RBFOX1: variants seen among roughly 807,000 people sequenced by gnomAD.
RBFOX1 encodes RNA binding fox-1 homolog 1.
Under a neutral mutation model 57.7 loss-of-function variants are expected in RBFOX1, and 8 were observed. The ratio of observed to expected loss-of-function variants is 0.14; its 90% confidence interval spans 0.08 to 0.25. The LOEUF is 0.25. RBFOX1 is among the 10% of genes least tolerant of loss of function. The probability of loss-of-function intolerance (pLI) is 1.00; values close to 1 mark genes in which losing one functional copy is unlikely to be tolerated. For synonymous variants in RBFOX1, 326 were observed against 222.4 expected (o/e 1.47, Z -4.15); for missense variants, 611 against 548.5 (o/e 1.11, Z -1.14).
At chr16:5,875,461 G>C (rs1007358191) in intron 4 of RBFOX1, among the ~76,000 whole-genome samples, 1 of 152,156 alleles carries the variant, frequency 6.6e-6, no homozygotes, top group African/African-American at 2.4e-5. Context: ...CATAGCATGG[G>C]GACAATTAAA....
intron 4 of RBFOX1, among the ~76,000 whole-genome samples, chr16:5,924,725 G>T (rs1057489132): frequency 6.6e-6 from 1 of 152,116 alleles, no homozygotes; most frequent in Non-Finnish European, 1.5e-5. Flanking sequence ...AACACAAGTG[G>T]TCTAAGACAC....
chr16:5,987,454 C>T (rs188485654), intron 4 of RBFOX1, among the ~76,000 whole-genome samples: 13 of 152,252 alleles, frequency 8.5e-5, no homozygotes, highest in African/African-American at 2.6e-4. Flanking sequence ...TTGCCTAGCC[C>T]TAGATCCATC....
At chr16:7,115,003 T>G (rs942218169) in intron 4 of RBFOX1, among the ~76,000 whole-genome samples, 1 of 152,184 alleles carries the variant, frequency 6.6e-6, no homozygotes, top group Admixed American at 6.5e-5. Context: ...GTAAGCGTAT[T>G]TACTCTTTAG....
intron 1 of RBFOX1, among the ~76,000 whole-genome samples, chr16:6,174,795 G>A (rs1197169611): frequency 6.6e-6 from 1 of 152,158 alleles, no homozygotes; most frequent in East Asian, 1.9e-4. Context: ...TTTGCATCCT[G>A]TGGCTAAAAG....
At chr16:7,453,573 A>T in intron 4 of RBFOX1, among the ~76,000 whole-genome samples, 1 of 152,170 alleles carries the variant, frequency 6.6e-6, no homozygotes. Flanking sequence ...GAGCTCTGAG[A>T]AAACAAATGG....
chr16:7,342,116 A>G (rs1333530463), intron 4 of RBFOX1, among the ~76,000 whole-genome samples: 1 of 152,274 alleles, frequency 6.6e-6, no homozygotes, highest in East Asian at 1.9e-4. Flanking sequence ...TTTGAAAAGA[A>G]CAGGATTTAC....
intron 1 of RBFOX1, among the ~76,000 whole-genome samples, chr16:6,164,941 G>A (rs915369746): frequency 6.6e-6 from 1 of 152,098 alleles, no homozygotes; most frequent in Admixed American, 6.6e-5. Context: ...AGTTTGGGGG[G>A]AAAGTGTGCA....
intron 11 of RBFOX1, 53 bp from the exon 12 acceptor site, chr16:7,653,762 G>T: frequency 1.3e-6 from 2 of 1,598,648 alleles, no homozygotes; most frequent in Non-Finnish European, 1.7e-6. Context: ...TCCACAGCAG[G>T]GTGTGCATCT....
intron 1 of RBFOX1, among the ~76,000 whole-genome samples, chr16:6,104,620 C>T (rs1451377358): frequency 6.6e-6 from 1 of 152,156 alleles, no homozygotes; most frequent in East Asian, 1.9e-4. Context: ...GTGTTCCTAG[C>T]AGCATAATTC....
intron 2 of RBFOX1, among the ~76,000 whole-genome samples, chr16:5,506,038 C>G (rs2043366280): frequency 6.6e-6 from 1 of 152,208 alleles, no homozygotes; most frequent in Non-Finnish European, 1.5e-5. Context: ...GGGTATCTCT[C>G]AGAGTCCTAG....
intron 2 of RBFOX1, among the ~76,000 whole-genome samples, chr16:6,368,227 T>C (rs1296771350): frequency 6.6e-6 from 1 of 152,184 alleles, no homozygotes; most frequent in Non-Finnish European, 1.5e-5. Flanking sequence ...ATTGAAAATA[T>C]CTCACAGCTA....
At chr16:7,456,931 G>A (rs1227263595) in intron 4 of RBFOX1, among the ~76,000 whole-genome samples, 1 of 151,060 alleles carries the variant, frequency 6.6e-6, no homozygotes, top group Non-Finnish European at 1.5e-5. Context: ...CGCTCTTGTT[G>A]CCCAGGCTGA....
At chr16:6,939,010 C>T (rs6500886) in intron 3 of RBFOX1, among the ~76,000 whole-genome samples, 17,795 of 152,102 alleles carry the variant, frequency 0.12, 3,426 homozygotes, top group African/African-American at 0.4. Flanking sequence ...TAGTCACTTT[C>T]CTTAGAGATC....
chr16:6,899,998 C>G (rs1045357852), intron 3 of RBFOX1, among the ~76,000 whole-genome samples: 1 of 152,108 alleles, frequency 6.6e-6, no homozygotes, highest in African/African-American at 2.4e-5. Context: ...GCTTCTGTTT[C>G]CTTATTTATA....
intron 13 of RBFOX1, among the ~76,000 whole-genome samples, chr16:7,665,749 A>C (rs993402079): frequency 1.3e-5 from 2 of 152,192 alleles, no homozygotes; most frequent in African/African-American, 4.8e-5. Flanking sequence ...GATATTCCCT[A>C]AATCACAATT....
chr16:7,529,334 A>G (rs1400324795), intron 5 of RBFOX1, among the ~76,000 whole-genome samples: 1 of 152,240 alleles, frequency 6.6e-6, no homozygotes, highest in East Asian at 1.9e-4. Context: ...CCATGCTTAG[A>G]GAGATTAACT....
intron 4 of RBFOX1, among the ~76,000 whole-genome samples, chr16:5,935,333 G>A (rs1008882880): frequency 9.9e-5 from 15 of 152,174 alleles, no homozygotes; most frequent in Admixed American, 4.6e-4. Context: ...GGACACACGA[G>A]GATCCATCCT....
At chr16:6,110,105 C>T (rs1175288881) in intron 1 of RBFOX1, among the ~76,000 whole-genome samples, 1 of 151,898 alleles carries the variant, frequency 6.6e-6, no homozygotes. Flanking sequence ...TCCATCAGCA[C>T]ATCTACTGTC....
intron 4 of RBFOX1, among the ~76,000 whole-genome samples, chr16:7,236,937 C>G (rs1478660885): frequency 1.3e-5 from 2 of 152,148 alleles, no homozygotes; most frequent in African/African-American, 4.8e-5. Context: ...ATCTGCCTGC[C>G]TCTGTGTTGT....
Sources: gnomAD v4.1 joint callset for allele counts (sites outside exome capture counted in the v4.1 genomes callset) on GRCh38, gnomAD v4.1.1 for gene constraint, MANE v1.5 for transcripts, NCBI Gene and HGNC (gene_info 2026-07-23, HGNC 2026-07-21) for gene names.